The following PPP2R2B variants were observed in gnomAD, a reference collection of about 807,000 sequenced individuals.
PPP2R2B encodes the protein serine/threonine-protein phosphatase 2A 55 kDa regulatory subunit B beta isoform.
PPP2R2B carries 5 observed loss-of-function variants against 46.0 expected under a neutral mutation model. That is an observed-to-expected ratio of 0.11 (90% confidence interval 0.06 to 0.23). The LOEUF (loss-of-function observed/expected upper bound fraction) is 0.23. Among genes scored for constraint, PPP2R2B ranks in the 10% least tolerant of loss-of-function variants. The pLI, the probability that PPP2R2B is intolerant of heterozygous loss-of-function variation, is 1.00. For synonymous variants in PPP2R2B, 215 were observed against 206.7 expected (o/e 1.04, Z -0.34); for missense variants, 367 against 575.0 (o/e 0.64, Z 3.70).
chr5:146,848,987 T>TTG (rs1398678537), intron 2 of PPP2R2B, among the ~76,000 whole-genome samples: 1 of 152,370 alleles, frequency 6.6e-6, no homozygotes, highest in East Asian at 1.9e-4. Context: ...GCTCTTCCAG[T>TTG]TGATTTCGGT....
chr5:147,080,033 T>C (rs1198329614), intron 2 of PPP2R2B, among the ~76,000 whole-genome samples: 1 of 152,222 alleles, frequency 6.6e-6, no homozygotes, highest in African/African-American at 2.4e-5. Context: ...TCTCCCACTT[T>C]GTAAACATAG....
intron 2 of PPP2R2B, among the ~76,000 whole-genome samples, chr5:147,077,047 TGA>T (rs1757789431): frequency 6.7e-6 from 1 of 148,498 alleles, no homozygotes; most frequent in Non-Finnish European, 1.5e-5. Flanking sequence ...GGTAATGGCC[TGA>T]TATATATATA....
At chr5:146,820,747 C>A (rs1758206380) in intron 2 of PPP2R2B, among the ~76,000 whole-genome samples, 1 of 151,948 alleles carries the variant, frequency 6.6e-6, no homozygotes. Context: ...ACCTCCGTCT[C>A]CTCCCCTCTC....
At chr5:146,649,738 C>T (rs1196711786) in intron 6 of PPP2R2B, among the ~76,000 whole-genome samples, 1 of 152,212 alleles carries the variant, frequency 6.6e-6, no homozygotes, top group Non-Finnish European at 1.5e-5. Flanking sequence ...GCATAAGCCA[C>T]TGCGGCCAGC....
chr5:146,920,293 C>T (rs1763552177), intron 1 of PPP2R2B, among the ~76,000 whole-genome samples: 2 of 152,186 alleles, frequency 1.3e-5, no homozygotes, highest in African/African-American at 4.8e-5. Context: ...ATGGGCTCTA[C>T]ACCCTGCCTG....
intron 2 of PPP2R2B, among the ~76,000 whole-genome samples, chr5:146,728,052 A>G (rs1295357075): frequency 6.6e-6 from 1 of 151,510 alleles, no homozygotes; most frequent in Non-Finnish European, 1.5e-5. Flanking sequence ...TGTAATAAGC[A>G]TGTATAATTT....
intron 1 of PPP2R2B, among the ~76,000 whole-genome samples, chr5:146,982,238 T>A (rs903271176): frequency 6.6e-6 from 1 of 152,200 alleles, no homozygotes; most frequent in Non-Finnish European, 1.5e-5. Context: ...TGTTGCCAGG[T>A]CCCACAATTT....
chr5:146,832,573 T>C (rs1176914484), intron 2 of PPP2R2B, among the ~76,000 whole-genome samples: 1 of 151,842 alleles, frequency 6.6e-6, no homozygotes, highest in Non-Finnish European at 1.5e-5. Context: ...TTTGTATTTT[T>C]AGTAGAGACA....
At chr5:146,904,078 C>G (rs1327051401) in intron 1 of PPP2R2B, among the ~76,000 whole-genome samples, 1 of 152,102 alleles carries the variant, frequency 6.6e-6, no homozygotes, top group African/African-American at 2.4e-5. Context: ...TACTGAGAGC[C>G]AACTGTAGTA....
intron 5 of PPP2R2B, among the ~76,000 whole-genome samples, chr5:146,658,093 T>C (rs1776450489): frequency 6.6e-6 from 1 of 152,162 alleles, no homozygotes; most frequent in Non-Finnish European, 1.5e-5. Flanking sequence ...ACCCCCTCCT[T>C]CTTCTTACTC....
Position 146,589,709 on chromosome 5 carries a change from A to AATT in PPP2R2B, c.*235_*237dup. ...CAGAAGTTCAAGTCAACTATGGAAGAATTACTGTTAGCTGGCAGCTTTCAA... is the reference window on the plus strand; with the variant it reads ...CAGAAGTTCAAGTCAACTATGGAAGAATTATTACTGTTAGCTGGCAGCTTTCAA... On this transcript the variant is annotated 3_prime_UTR_variant, in exon 10 of 10. Transcript: ENST00000394411. 1 of 499,680 alleles carries AATT rather than the reference A, an allele frequency of 2.0e-6. No homozygotes were observed. The allele number at this position is 499,680 out of a possible 1,614,324, so 31.0% of individuals were successfully genotyped here.
Position 146,584,858 on chromosome 5 carries a change from T to C in PPP2R2B, c.*5089A>G, listed in dbSNP as rs945919986. On this transcript the variant is annotated 3_prime_UTR_variant, in exon 10 of 10. Coordinates refer to ENST00000394411, the MANE Select transcript of PPP2R2B (RefSeq NM_181675.4). ...ATTGGCTTTCTGTTTCCATGCCATA[T>C]GGATTTTGCTTCATATTCTGGTATA... The C allele has an allele frequency of 2.0e-5, 3 of 152,222 alleles. No homozygotes were observed. The East Asian group carries it at 5.8e-4, about 29-fold the overall frequency. The allele number at this position is 152,222 out of a possible 1,614,324, so 9.4% of individuals were successfully genotyped here.
intron 2 of PPP2R2B, among the ~76,000 whole-genome samples, chr5:146,872,413 C>T (rs1203122290): frequency 2.6e-5 from 4 of 152,190 alleles, no homozygotes; most frequent in African/African-American, 9.7e-5. Context: ...CTGGCATTTG[C>T]ATACAAATAC....
intron 1 of PPP2R2B, among the ~76,000 whole-genome samples, chr5:147,001,120 T>C (rs777990538): frequency 1.1e-4 from 17 of 152,102 alleles, no homozygotes; most frequent in Non-Finnish European, 1.9e-4. Context: ...ACTCTGTAAA[T>C]AGACCAATAA....
chr5:146,590,199 G>C lies in PPP2R2B; in HGVS notation c.1080C>G (p.Asn360Lys). The change falls in exon 10 of 10, where the codon AAC (asparagine) becomes AAG (lysine). Residue 360 changes from asparagine to lysine, a missense_variant. Around this residue, in one of 2 missense-constraint regions of PPP2R2B, gnomAD observed 361 missense variants for 545.5 expected, o/e 0.66. Coordinates refer to ENST00000394411, the MANE Select transcript of PPP2R2B (RefSeq NM_181675.4). Reference sequence around the variant, plus strand: ...TGTTTCTGTCGAACATCCTGAAGAAGTTGTTGTAGGAGCCTGTCATGATGA... The same window carrying C: ...TGTTTCTGTCGAACATCCTGAAGAACTTGTTGTAGGAGCCTGTCATGATGA... Reference protein sequence around the residue: ...DSVIMTGSYNNFFRMFDRNTK... With the variant: ...DSVIMTGSYNKFFRMFDRNTK... The C allele has an allele frequency of 6.2e-7, 1 of 1,608,904 alleles. No homozygotes were observed. Among genetic ancestry groups the C allele is most frequent in the Non-Finnish European group, 8.5e-7 (1 of 1,179,558 alleles).
chr5:146,599,994 A>G (rs767757102), intron 8 of PPP2R2B, among the ~76,000 whole-genome samples: 4 of 152,196 alleles, frequency 2.6e-5, no homozygotes, highest in African/African-American at 4.8e-5. Context: ...TTCCTTGTTC[A>G]TCATCTGACT....
intron 1 of PPP2R2B, among the ~76,000 whole-genome samples, chr5:146,900,005 A>G (rs548171945): frequency 1.1e-4 from 17 of 152,348 alleles, no homozygotes; most frequent in Middle Eastern, 3.4e-3. Context: ...CTAAAAAACA[A>G]TGAAATGACA....
chr5:146,873,887 C>T (rs1289588097), intron 2 of PPP2R2B, among the ~76,000 whole-genome samples: 1 of 152,198 alleles, frequency 6.6e-6, no homozygotes, highest in African/African-American at 2.4e-5. Flanking sequence ...ACTGCAGACT[C>T]CATTCTCATT....
chr5:146,625,550 G>A (rs1416078695), intron 7 of PPP2R2B, among the ~76,000 whole-genome samples: 3 of 152,156 alleles, frequency 2.0e-5, no homozygotes, highest in Non-Finnish European at 2.9e-5. Flanking sequence ...TCTAGTGAGA[G>A]AGACCAAAAT....
Sources: allele counts gnomAD v4.1 joint callset (sites outside exome capture counted in the v4.1 genomes callset), GRCh38; gene constraint gnomAD v4.1.1; regional missense constraint gnomAD v4.1.1; transcripts MANE v1.5; gene names NCBI Gene and HGNC (gene_info 2026-07-23, HGNC 2026-07-21).